Variants in NUDT9 observed in about 807,000 individuals in gnomAD.
NUDT9 encodes nudix hydrolase 9.
Under a neutral mutation model 41.0 loss-of-function variants are expected in NUDT9, and 31 were observed. The observed-to-expected ratio is 0.76, with a 90% CI of 0.57 to 1.02. The LOEUF (loss-of-function observed/expected upper bound fraction) is 1.02, where lower values mean the gene tolerates loss of function less well. Ranked by LOEUF, NUDT9 falls within the 50% of genes least tolerant of loss-of-function variation. The pLI is 0.00. For synonymous variants in NUDT9, 146 were observed against 147.6 expected (o/e 0.99, Z 0.08); for missense variants, 380 against 431.4 (o/e 0.88, Z 1.06).
At chr4:87,425,129 G>C (rs1487731510) in intron 1 of NUDT9, among the ~76,000 whole-genome samples, 1 of 152,098 alleles carries the variant, frequency 6.6e-6, no homozygotes, top group Admixed American at 6.5e-5. Context: ...GCTGAGGCAG[G>C]AGGATCGTGT....
intron 1 of NUDT9, among the ~76,000 whole-genome samples, chr4:87,433,196 C>T (rs1721764308): frequency 6.6e-6 from 1 of 151,918 alleles, no homozygotes; most frequent in South Asian, 2.1e-4. Context: ...TTTATACAAC[C>T]CCATCCAAAC....
At chr4:87,435,775 TTA>T (rs1207996601) in intron 2 of NUDT9, among the ~76,000 whole-genome samples, 16 of 152,166 alleles carry the variant, frequency 1.1e-4, no homozygotes, top group Non-Finnish European at 1.9e-4. Flanking sequence ...CATTTTATGT[TTA>T]TGTTTCTTTT....
chr4:87,438,740 G>T (rs1406579853), intron 3 of NUDT9, among the ~76,000 whole-genome samples: 1 of 152,232 alleles, frequency 6.6e-6, no homozygotes, highest in East Asian at 1.9e-4. Context: ...ACATGTAAGA[G>T]TAAAAATAAA....
intron 4 of NUDT9, among the ~76,000 whole-genome samples, chr4:87,446,875 T>C (rs1332877304): frequency 6.6e-6 from 1 of 152,210 alleles, no homozygotes; most frequent in Admixed American, 6.5e-5. Context: ...TCTTCTGTCC[T>C]GTCATCATCT....
Position 87,437,686 on chromosome 4 carries a change from A to C in NUDT9, c.348-591A>C, listed in dbSNP as rs564285145. On this transcript the variant is annotated intron_variant, in intron 2 of 7. Coordinates refer to ENST00000302174, the MANE Select transcript of NUDT9 (RefSeq NM_024047.5). ...CATGTGAAGGTGTGCAGCTCAGCAA[A>C]ATTTTACATTTACATAGCTCTGTAA... 6.1e-4 allele frequency among the ~76,000 whole-genome samples: 93 copies of C among 152,258 alleles called. 1 individual carries two copies. The highest frequency in any genetic ancestry group is 2.2e-3 in the African/African-American group (92 of 41,550).
intron 1 of NUDT9, 118 bp from the exon 2 acceptor site, chr4:87,434,863 C>T (rs1012847896): frequency 1.2e-6 from 1 of 815,650 alleles, no homozygotes; most frequent in African/African-American, 1.7e-5. Flanking sequence ...AGGTGATCCA[C>T]CTACCTCGGC....
chr4:87,439,517 T>A (rs6531995), intron 3 of NUDT9, among the ~76,000 whole-genome samples: 102,360 of 151,678 alleles, frequency 0.67, 35,224 homozygotes, highest in African/African-American at 0.82. Flanking sequence ...TTAGCTGGGC[T>A]TGGTGGCGGG....
chr4:87,459,121 A>G lies in NUDT9; in HGVS notation c.*1100A>G, dbSNP rs1405115480. On this transcript the variant is annotated 3_prime_UTR_variant, in exon 8 of 8. Transcript: ENST00000302174. ...GAATACTATGCAGCCGTAAAAAAGA[A>G]TAAGATCATGTCCTCTGAAAAGACA... 1 of 152,246 alleles carries G rather than the reference A, an allele frequency of 6.6e-6. No individual in the cohort carries two copies. Among genetic ancestry groups the G allele is most frequent in the Non-Finnish European group, 1.5e-5 (1 of 68,040 alleles). The allele number at this position is 152,246 out of a possible 1,614,324, so 9.4% of individuals were successfully genotyped here. A position where few individuals can be genotyped will look rare whatever the true frequency, so the allele number is the denominator to read the frequency against.
chr4:87,447,995 G>T (rs1296541177), intron 4 of NUDT9, among the ~76,000 whole-genome samples: 1 of 148,568 alleles, frequency 6.7e-6, no homozygotes, highest in African/African-American at 2.5e-5. Flanking sequence ...TTGCACCACT[G>T]TACTCTAGCC....
chr4:87,439,653 C>G (rs1722109915), intron 3 of NUDT9, among the ~76,000 whole-genome samples: 1 of 151,978 alleles, frequency 6.6e-6, no homozygotes, highest in Non-Finnish European at 1.5e-5. Context: ...GAGACTCCAT[C>G]TCAAAAAAAC....
In NUDT9 at chr4:87,459,147, T is replaced by C. The variant is rs1015943997; in HGVS notation, c.*1126T>C. On this transcript the variant is annotated 3_prime_UTR_variant, in exon 8 of 8. Coordinates refer to ENST00000302174, the MANE Select transcript of NUDT9 (RefSeq NM_024047.5). ...TAAGATCATGTCCTCTGAAAAGACA[T>C]GGGTGGAGCTGGAGGCCATTATCCT... The C allele has an allele frequency of 6.6e-6, 1 of 152,184 alleles. No homozygotes were observed. The highest frequency in any genetic ancestry group is 2.4e-5 in the African/African-American group (1 of 41,434). The allele number at this position is 152,184 out of a possible 1,614,324, so 9.4% of individuals were successfully genotyped here.
At chr4:87,437,748 ATAG>A (rs1228291095) in intron 2 of NUDT9, among the ~76,000 whole-genome samples, 2 of 152,212 alleles carry the variant, frequency 1.3e-5, no homozygotes, top group African/African-American at 4.8e-5. Flanking sequence ...CATTTCCAGC[ATAG>A]TATGTCTGTT....
intron 5 of NUDT9, among the ~76,000 whole-genome samples, chr4:87,450,888 T>G (rs2110188396): frequency 6.6e-6 from 1 of 152,364 alleles, no homozygotes; most frequent in South Asian, 2.1e-4. Context: ...TTTTAGACAC[T>G]GAGAATACAA....
chr4:87,440,136 A>T (rs1722140545), intron 3 of NUDT9, among the ~76,000 whole-genome samples: 1 of 152,198 alleles, frequency 6.6e-6, no homozygotes, highest in Admixed American at 6.5e-5. Context: ...ATATTATGAA[A>T]AGATAGGTAA....
chr4:87,450,335 A>T (rs1254472549), intron 5 of NUDT9, among the ~76,000 whole-genome samples: 1 of 151,584 alleles, frequency 6.6e-6, no homozygotes, highest in Non-Finnish European at 1.5e-5. Flanking sequence ...TAAGGATCTC[A>T]GCCGACTCTG....
intron 1 of NUDT9, among the ~76,000 whole-genome samples, chr4:87,432,144 C>G (rs1316386607): frequency 6.6e-6 from 1 of 152,166 alleles, no homozygotes; most frequent in East Asian, 1.9e-4. Flanking sequence ...TATCCCTTAT[C>G]TAAAATGCTT....
intron 6 of NUDT9, among the ~76,000 whole-genome samples, chr4:87,453,841 C>CT (rs1436219416): frequency 7.3e-5 from 11 of 150,106 alleles, no homozygotes; most frequent in Admixed American, 7.3e-4. Flanking sequence ...ACATTTCTTT[C>CT]TTTTTTTCTT....
chr4:87,445,160 A>G (rs1722389639), intron 4 of NUDT9, among the ~76,000 whole-genome samples: 1 of 152,122 alleles, frequency 6.6e-6, no homozygotes, highest in African/African-American at 2.4e-5. Context: ...TGATATATCT[A>G]TTTTGAGGAT....
chr4:87,440,854 A>T (rs1159313783), intron 3 of NUDT9, among the ~76,000 whole-genome samples: 1 of 151,504 alleles, frequency 6.6e-6, no homozygotes, highest in Non-Finnish European at 1.5e-5. Flanking sequence ...TCAAAAAAAA[A>T]ATATGTATAT....
Sources: gnomAD v4.1 joint callset for allele counts (sites outside exome capture counted in the v4.1 genomes callset) on GRCh38, gnomAD v4.1.1 for gene constraint, MANE v1.5 for transcripts, NCBI Gene and HGNC (gene_info 2026-07-23, HGNC 2026-07-21) for gene names.